The following RALYL variants were observed in gnomAD, a reference collection of about 807,000 sequenced individuals.
RALYL encodes the protein RALY RNA binding protein like, also known as RNA-binding Raly-like protein.
Under a neutral mutation model 35.1 loss-of-function variants are expected in RALYL, and 29 were observed. That is an observed-to-expected ratio of 0.83 (90% confidence interval 0.61 to 1.13). RALYL has a LOEUF of 1.13. RALYL is among the 50% of genes most tolerant of loss of function. RALYL has a pLI of 0.00. For synonymous variants in RALYL, 120 were observed against 127.6 expected, an observed-to-expected ratio of 0.94 and a Z score of 0.40; for missense variants, 359 against 360.4, an observed-to-expected ratio of 1.00 and a Z score of 0.03.
chr8:84,266,217 AT>A (rs146379257), intron 1 of RALYL, among the ~76,000 whole-genome samples: 3,707 of 146,186 alleles, frequency 0.025, 84 homozygotes, highest in Non-Finnish European at 0.031. Flanking sequence ...TGCCAGTGTG[AT>A]TTTTTTTTTT....
chr8:84,908,213 G>C (rs777064829), intron 8 of RALYL, among the ~76,000 whole-genome samples: 1 of 152,238 alleles, frequency 6.6e-6, no homozygotes, highest in South Asian at 2.1e-4. Context: ...TTTGTGATGA[G>C]AACATTTGAA....
At chr8:84,641,802 A>C (rs1006607269) in intron 2 of RALYL, among the ~76,000 whole-genome samples, 1 of 151,344 alleles carries the variant, frequency 6.6e-6, no homozygotes, top group Non-Finnish European at 1.5e-5. Context: ...AAAAAAAAAA[A>C]AAAAAACTCA....
At chr8:84,207,569 C>T (rs79952356) in intron 1 of RALYL, among the ~76,000 whole-genome samples, 2,924 of 151,826 alleles carry the variant, frequency 0.019, 31 homozygotes, top group African/African-American at 0.033. Context: ...TGGGAATGGA[C>T]AAAATGGGGA....
chr8:84,478,868 C>T (rs1189630681), intron 1 of RALYL, among the ~76,000 whole-genome samples: 1 of 147,916 alleles, frequency 6.8e-6, no homozygotes, highest in African/African-American at 2.5e-5. Flanking sequence ...GGGCGGATCA[C>T]GAGGTCAGGA....
intron 1 of RALYL, among the ~76,000 whole-genome samples, chr8:84,219,005 G>C (rs976684110): frequency 6.6e-6 from 1 of 151,958 alleles, no homozygotes; most frequent in Non-Finnish European, 1.5e-5. Flanking sequence ...TATCCTAAAA[G>C]CTATAAAATT....
chr8:84,240,453 G>A (rs1315046015), intron 1 of RALYL, among the ~76,000 whole-genome samples: 2 of 152,140 alleles, frequency 1.3e-5, no homozygotes, highest in Admixed American at 6.5e-5. Context: ...TGCCTATTAA[G>A]TGCAACACTG....
intron 2 of RALYL, among the ~76,000 whole-genome samples, chr8:84,715,904 T>G (rs1209711698): frequency 2.0e-5 from 3 of 152,150 alleles, no homozygotes; most frequent in African/African-American, 7.2e-5. Flanking sequence ...CTCTTATTAT[T>G]GACATATTAT....
At chr8:84,914,122 G>A (rs965517736) in intron 8 of RALYL, among the ~76,000 whole-genome samples, 2 of 151,996 alleles carry the variant, frequency 1.3e-5, no homozygotes, top group Admixed American at 1.3e-4. Context: ...GCTATAAAAT[G>A]ATTTTTAAAA....
At chr8:84,600,366 C>A (rs916695160) in intron 2 of RALYL, among the ~76,000 whole-genome samples, 1 of 151,960 alleles carries the variant, frequency 6.6e-6, no homozygotes, top group African/African-American at 2.4e-5. Context: ...TGATTGTGAG[C>A]TATTTTCTGA....
chr8:84,268,912 C>T (rs761039322), intron 1 of RALYL, among the ~76,000 whole-genome samples: 56 of 152,136 alleles, frequency 3.7e-4, no homozygotes, highest in South Asian at 4.1e-4. Context: ...GAATGTTATG[C>T]GATAATCTAC....
chr8:84,553,959 A>G (rs2060922683), intron 2 of RALYL, among the ~76,000 whole-genome samples: 1 of 152,214 alleles, frequency 6.6e-6, no homozygotes, highest in Non-Finnish European at 1.5e-5. Flanking sequence ...CTATTTTCAA[A>G]TACTTTAGAA....
intron 2 of RALYL, among the ~76,000 whole-genome samples, chr8:84,744,098 T>A (rs1401605305): frequency 6.6e-6 from 1 of 152,032 alleles, no homozygotes; most frequent in Non-Finnish European, 1.5e-5. Context: ...AACTTTTGTG[T>A]TATGTATTTG....
chr8:84,705,027 C>A (rs1037704495), intron 2 of RALYL, among the ~76,000 whole-genome samples: 12 of 152,152 alleles, frequency 7.9e-5, no homozygotes, highest in Non-Finnish European at 4.4e-5. Flanking sequence ...CATGTGGGTC[C>A]TTCTGTATTT....
At chr8:84,678,417 C>A (rs1196139642) in intron 2 of RALYL, among the ~76,000 whole-genome samples, 2 of 151,982 alleles carry the variant, frequency 1.3e-5, no homozygotes, top group Non-Finnish European at 2.9e-5. Flanking sequence ...GTATGCACCA[C>A]CACACCCGGA....
Position 84,367,909 on chromosome 8 carries a change from C to T in RALYL, c.-23-161390C>T, listed in dbSNP as rs139652251. On this transcript the variant is annotated intron_variant, in intron 1 of 8. Transcript: ENST00000521268. Reference sequence around the variant, plus strand: ...AAAGTTTAGAAAAATGATTCCAGATCTATGCTGTCACTTATTCTCTGAGCT... The same window carrying T: ...AAAGTTTAGAAAAATGATTCCAGATTTATGCTGTCACTTATTCTCTGAGCT... Among the ~76,000 whole-genome samples the T allele has an allele frequency of 7.9e-3, 1,202 of 152,234 alleles. 3 individuals carry two copies. Among genetic ancestry groups the T allele is most frequent in the Middle Eastern group, 0.024 (7 of 294 alleles).
At chr8:84,578,730 T>C (rs1810108124) in intron 2 of RALYL, among the ~76,000 whole-genome samples, 1 of 152,128 alleles carries the variant, frequency 6.6e-6, no homozygotes, top group South Asian at 2.1e-4. Flanking sequence ...GGTAGCTCCT[T>C]TCACAGGCAA....
At chr8:84,572,945 T>G (rs1808376644) in intron 2 of RALYL, among the ~76,000 whole-genome samples, 1 of 151,556 alleles carries the variant, frequency 6.6e-6, no homozygotes, top group Non-Finnish European at 1.5e-5. Context: ...TGCTTAATTT[T>G]TTTATGGTCG....
intron 1 of RALYL, among the ~76,000 whole-genome samples, chr8:84,391,241 C>T (rs189277967): frequency 1.4e-4 from 22 of 151,998 alleles, no homozygotes; most frequent in African/African-American, 2.4e-4. Flanking sequence ...GGTTGGTAGC[C>T]GGTTTGGCTG....
At chr8:84,794,242 G>C (rs1196622955) in intron 3 of RALYL, among the ~76,000 whole-genome samples, 1 of 152,234 alleles carries the variant, frequency 6.6e-6, no homozygotes, top group Admixed American at 6.5e-5. Flanking sequence ...AAAGACTACA[G>C]AGTATTGACT....
Sources: allele counts gnomAD v4.1 joint callset (sites outside exome capture counted in the v4.1 genomes callset), GRCh38; gene constraint gnomAD v4.1.1; transcripts MANE v1.5; gene names NCBI Gene and HGNC (gene_info 2026-07-23, HGNC 2026-07-21).